The following S100A8 variants were observed in gnomAD, a reference collection of about 807,000 sequenced individuals.
S100A8 encodes protein S100-A8.
Under a neutral mutation model 4.2 loss-of-function variants are expected in S100A8, and 1 was observed. That is an observed-to-expected ratio of 0.24 (90% CI 0.08 to 1.12). S100A8 has a LOEUF of 1.12. Ranked by LOEUF, S100A8 falls within the 50% of genes most tolerant of loss-of-function variation. S100A8 has a pLI of 0.53. For synonymous variants in S100A8, 41 were observed against 44.7 expected, an observed-to-expected ratio of 0.92 and a Z score of 0.33; for missense variants, 96 against 111.8, an observed-to-expected ratio of 0.86 and a Z score of 0.64.
the S100A8 span, among the ~76,000 whole-genome samples, chr1:153,398,379 A>C: frequency 1.3e-5 from 2 of 151,426 alleles, no homozygotes; most frequent in African/African-American, 2.4e-5. Context: ...ACCCCACCCT[A>C]CTCCCACCCT....
At chr1:153,413,428 G>T in the S100A8 span, among the ~76,000 whole-genome samples, 3 of 152,194 alleles carry the variant, frequency 2.0e-5, no homozygotes, top group African/African-American at 7.2e-5. Context: ...CTTCTGGGCT[G>T]TGGCAGCATC....
the S100A8 span, among the ~76,000 whole-genome samples, chr1:153,409,937 C>A: frequency 6.6e-6 from 1 of 152,172 alleles, no homozygotes; most frequent in African/African-American, 2.4e-5. Context: ...CCAATATGAA[C>A]AAAGACACAA....
At chr1:153,405,907 T>C in the S100A8 span, among the ~76,000 whole-genome samples, 3,387 of 104,764 alleles carry the variant, frequency 0.032, no homozygotes, top group Non-Finnish European at 0.048. Context: ...TAACCTCTTG[T>C]GAATGCTGCA....
the S100A8 span, among the ~76,000 whole-genome samples, chr1:153,402,038 C>A: frequency 6.6e-6 from 1 of 152,068 alleles, no homozygotes; most frequent in African/African-American, 2.4e-5. Flanking sequence ...GCATTAGAAT[C>A]CTCACAGAAA....
chr1:153,412,291 AAAAC>A, the S100A8 span, among the ~76,000 whole-genome samples: 36 of 152,314 alleles, frequency 2.4e-4, no homozygotes, highest in African/African-American at 7.9e-4. Flanking sequence ...TTACAAGAAA[AAAAC>A]AAACAACCCC....
the S100A8 span, chr1:153,418,216 G>A: frequency 6.2e-7 from 1 of 1,613,996 alleles, no homozygotes; most frequent in South Asian, 1.1e-5. Flanking sequence ...AATTTCCTCA[G>A]TGCCTGTGTG....
the S100A8 span, among the ~76,000 whole-genome samples, chr1:153,399,249 A>T: frequency 5.3e-5 from 8 of 152,184 alleles, no homozygotes; most frequent in African/African-American, 1.7e-4. Flanking sequence ...CAGTGTTGTG[A>T]TGCTTCACAG....
the S100A8 span, chr1:153,419,012 G>A: frequency 1.1e-6 from 1 of 930,376 alleles, no homozygotes; most frequent in African/African-American, 1.7e-5. Flanking sequence ...CACTCACCCT[G>A]TGCTCTCAGC....
chr1:153,414,615 T>C, the S100A8 span, among the ~76,000 whole-genome samples: 1 of 152,168 alleles, frequency 6.6e-6, no homozygotes, highest in Non-Finnish European at 1.5e-5. Flanking sequence ...CAGCACCAAA[T>C]GCTAAAGAAG....
At chr1:153,390,952 C>T in intron 1 of S100A8, 89 bp downstream of exon 1, 2 of 927,594 alleles carry the variant, frequency 2.2e-6, no homozygotes, top group Non-Finnish European at 2.6e-6. Context: ...TGAGCTTTCT[C>T]TCTCCTCTCT....
chr1:153,421,680 A>G, the S100A8 span: 12 of 152,248 alleles, frequency 7.9e-5, no homozygotes, highest in African/African-American at 2.7e-4. Context: ...GGACTCACGT[A>G]CTGATCTCCC....
the S100A8 span, among the ~76,000 whole-genome samples, chr1:153,407,243 C>T: frequency 6.6e-6 from 1 of 152,210 alleles, no homozygotes; most frequent in African/African-American, 2.4e-5. Context: ...ACAGACGGCA[C>T]CTGGAAAATC....
At chr1:153,390,589 G>A (rs1052726669) in intron 1 of S100A8, 32 bp from the exon 2 acceptor site, 32 of 1,609,498 alleles carry the variant, frequency 2.0e-5, no homozygotes, top group Non-Finnish European at 2.7e-5. Context: ...GGAATCCCAT[G>A]GCAGGGAATT....
the S100A8 span, among the ~76,000 whole-genome samples, chr1:153,416,146 T>C: frequency 4.0e-4 from 61 of 152,276 alleles, 1 homozygote; most frequent in East Asian, 0.012. Context: ...TCACAACAAA[T>C]GTGTGGAAGT....
At chr1:153,417,153 C>G in the S100A8 span, 1 of 152,360 alleles carries the variant, frequency 6.6e-6, no homozygotes, top group Non-Finnish European at 1.5e-5. Context: ...TGCCCACATG[C>G]GTTAGCCAAG....
At chr1:153,401,090 T>C in the S100A8 span, among the ~76,000 whole-genome samples, 28 of 152,362 alleles carry the variant, frequency 1.8e-4, no homozygotes, top group African/African-American at 5.5e-4. Flanking sequence ...CTTGCACAGC[T>C]GCGCTGTAAC....
At chr1:153,393,410 C>T (rs74867261), upstream of S100A8, among the ~76,000 whole-genome samples, 1 of 152,206 alleles carries the variant, frequency 6.6e-6, no homozygotes, top group Admixed American at 6.5e-5. Flanking sequence ...TTTCACAACC[C>T]TAGGGCCTGG....
At chr1:153,413,174 T>C in the S100A8 span, among the ~76,000 whole-genome samples, 1 of 152,204 alleles carries the variant, frequency 6.6e-6, no homozygotes, top group Non-Finnish European at 1.5e-5. Context: ...ATACAGATTA[T>C]ATAATTAATT....
chr1:153,401,532 A>G, the S100A8 span, among the ~76,000 whole-genome samples: 1 of 152,200 alleles, frequency 6.6e-6, no homozygotes, highest in East Asian at 1.9e-4. Flanking sequence ...GATCTTGACA[A>G]ACACAGTCTT....
Sources: allele counts gnomAD v4.1 joint callset (sites outside exome capture counted in the v4.1 genomes callset), GRCh38; gene constraint gnomAD v4.1.1; transcripts MANE v1.5; gene names NCBI Gene and HGNC (gene_info 2026-07-23, HGNC 2026-07-21).